Variants in KCTD15 observed in about 807,000 individuals in gnomAD.
KCTD15 encodes potassium channel tetramerization domain containing 15.
Under a neutral mutation model 27.2 loss-of-function variants are expected in KCTD15, and 11 were observed. The ratio of observed to expected loss-of-function variants is 0.41; its 90% confidence interval spans 0.25 to 0.67. The LOEUF is 0.67. KCTD15 is among the 30% of genes least tolerant of loss of function. The pLI, the probability that KCTD15 is intolerant of heterozygous loss-of-function variation, is 0.35. For missense variants in KCTD15, 350 were observed against 409.3 expected, an observed-to-expected ratio of 0.86 and a Z score of 1.25; for synonymous variants, 163 against 176.0, an observed-to-expected ratio of 0.93 and a Z score of 0.58.
At chr19:33,804,941 T>G (rs1975667383) in intron 4 of KCTD15, among the ~76,000 whole-genome samples, 2 of 152,184 alleles carry the variant, frequency 1.3e-5, no homozygotes. Context: ...TCTTTCTTTC[T>G]TTTAAGCGAC....
intron 1 of KCTD15, chr19:33,797,428 G>T: frequency 2.2e-6 from 1 of 454,136 alleles, no homozygotes; most frequent in South Asian, 1.6e-5. Context: ...CCGGCTTGGC[G>T]CCCAAAATCA....
chr19:33,808,980 T>A (rs1298055011), intron 5 of KCTD15, among the ~76,000 whole-genome samples: 2 of 151,522 alleles, frequency 1.3e-5, no homozygotes, highest in Non-Finnish European at 2.9e-5. Flanking sequence ...ACAAATTTGT[T>A]TTTTAATTAA....
intron 1 of KCTD15, chr19:33,797,279 TGTGTGCGCGCGCGC>T (rs1278843649): frequency 2.8e-4 from 69 of 247,356 alleles, no homozygotes; most frequent in African/African-American, 1.4e-3. Context: ...TGTGTGTGTG[TGTGTGCGCGCGCGC>T]GCGCGCGCGC....
At chr19:33,801,408 TA>T in intron 4 of KCTD15, 66 bp downstream of exon 4, 1 of 1,405,606 alleles carries the variant, frequency 7.1e-7, no homozygotes, top group East Asian at 2.5e-5. Flanking sequence ...ATCTGCTGCC[TA>T]GGGGGTGGGG....
rs1976066934 is a variant in KCTD15, at chr19:33,815,557, C to G, written c.*2609C>G. On this transcript the variant is annotated 3_prime_UTR_variant, in exon 7 of 7. Transcript: ENST00000683859. ...TGGACAGAACCATGCCAAAGCTTCC[C>G]CGTTTCCCACCAAACCCCTGCCAGT... The G allele has an allele frequency of 6.6e-6, 1 of 152,104 alleles. No homozygotes were observed. Among genetic ancestry groups the G allele is most frequent in the Admixed American group, 6.6e-5 (1 of 15,256 alleles). The allele number at this position is 152,104 out of a possible 1,614,324, so 9.4% of individuals were successfully genotyped here.
chr19:33,801,431 T>C (rs2145442309), intron 4 of KCTD15, 89 bp downstream of exon 4: 2 of 1,158,284 alleles, frequency 1.7e-6, no homozygotes, highest in East Asian at 2.7e-5. Context: ...CTCTCCCCAC[T>C]GTCACTCCAC....
In KCTD15 at chr19:33,813,527, C is replaced by G; in HGVS notation, c.*579C>G. On this transcript the variant is annotated 3_prime_UTR_variant, in exon 7 of 7. Coordinates refer to ENST00000683859, the MANE Select transcript of KCTD15 (RefSeq NM_001129994.2). ...CAGATGCCTGCAGGGCTGGGGCTCTCGGGACAGATGCAGGGATGTGTGCTG... is the reference window on the plus strand; with the variant it reads ...CAGATGCCTGCAGGGCTGGGGCTCTGGGGACAGATGCAGGGATGTGTGCTG... 1 of 401,884 alleles carries G rather than the reference C, an allele frequency of 2.5e-6. No individual in the cohort carries two copies. The highest frequency in any genetic ancestry group is 4.9e-6 in the Non-Finnish European group (1 of 202,520). The allele number at this position is 401,884 out of a possible 1,614,324, so 24.9% of individuals were successfully genotyped here.
chr19:33,800,714 C>T (rs1340574488), intron 3 of KCTD15, among the ~76,000 whole-genome samples, 194 bp downstream of exon 3: 6 of 152,196 alleles, frequency 3.9e-5, no homozygotes, highest in Non-Finnish European at 5.9e-5. Flanking sequence ...TAAAACTCAA[C>T]GCCTTAGGTG....
At chr19:33,795,097 G>A (rs748117003), upstream of KCTD15, among the ~76,000 whole-genome samples, 1 of 152,216 alleles carries the variant, frequency 6.6e-6, no homozygotes, top group African/African-American at 2.4e-5. Context: ...GAAATTAACT[G>A]ATGGGGCCTG....
chr19:33,795,365 G>GC (rs576272198), upstream of KCTD15, among the ~76,000 whole-genome samples: 184 of 151,844 alleles, frequency 1.2e-3, no homozygotes, highest in Middle Eastern at 3.4e-3. Context: ...GAGGGAGAAA[G>GC]CCCCCCCCAC....
chr19:33,811,421 G>C lies in KCTD15; in HGVS notation c.562G>C (p.Ala188Pro). ...GCGGATCGCACTCAGCGGCGAGAAG[G>C]CCCTCATCGAGGAGGTCTTCCCCGA... ...GERIALSGEK[A>P]LIEEVFPETG... is the part of the protein sequence containing the mutation. The change falls in exon 6 of 7, where the codon GCC becomes CCC. Residue 188 changes from alanine to proline, a missense_variant. Around this residue, in one of 3 missense-constraint regions of KCTD15, gnomAD observed 219 missense variants for 234.9 expected, o/e 0.93. Coordinates refer to ENST00000683859, the MANE Select transcript of KCTD15 (RefSeq NM_001129994.2). 6.2e-7 allele frequency: 1 copy of C among 1,611,616 alleles called. No individual in the cohort carries two copies. Among genetic ancestry groups the C allele is most frequent in the Non-Finnish European group, 8.5e-7 (1 of 1,179,290 alleles).
intron 1 of KCTD15, chr19:33,798,223 G>A (rs1240739544): frequency 6.6e-6 from 1 of 152,224 alleles, no homozygotes; most frequent in Admixed American, 6.5e-5. Flanking sequence ...AGGGGAGCTC[G>A]AGAGGCGCCT....
chr19:33,806,746 T>G, intron 4 of KCTD15, 117 bp from the exon 5 acceptor site: 1 of 1,165,104 alleles, frequency 8.6e-7, no homozygotes, highest in East Asian at 2.3e-5. Flanking sequence ...GAGTCACCCA[T>G]GTCAGGTCCC....
chr19:33,801,604 A>G (rs1975549601), intron 4 of KCTD15: 1 of 377,652 alleles, frequency 2.6e-6, no homozygotes, highest in Non-Finnish European at 4.7e-6. Context: ...GCAGGGGACT[A>G]GGGCTTATTC....
In KCTD15 at chr19:33,813,371, A is replaced by G. The variant is rs1172226681; in HGVS notation, c.*423A>G. 2.1e-6 allele frequency: 1 copy of G among 467,702 alleles called. No homozygotes were observed. Among genetic ancestry groups the G allele is most frequent in the East Asian group, 6.7e-5 (1 of 14,922 alleles). The allele number at this position is 467,702 out of a possible 1,614,324, so 29.0% of individuals were successfully genotyped here. On this transcript the variant is annotated 3_prime_UTR_variant, in exon 7 of 7. Coordinates refer to ENST00000683859, the MANE Select transcript of KCTD15 (RefSeq NM_001129994.2). ...AGATGGCTTATTTTCTACAGTATTTAAAATGGATGCAGCCCTAACTGCAAA... is the reference window on the plus strand; with the variant it reads ...AGATGGCTTATTTTCTACAGTATTTGAAATGGATGCAGCCCTAACTGCAAA...
At chr19:33,805,332 C>G (rs1247832908) in intron 4 of KCTD15, among the ~76,000 whole-genome samples, 1 of 152,202 alleles carries the variant, frequency 6.6e-6, no homozygotes, top group East Asian at 1.9e-4. Flanking sequence ...GCTGGGCCAT[C>G]AGAGCATAGG....
chr19:33,806,758 C>A, intron 4 of KCTD15, 105 bp from the exon 5 acceptor site: 1 of 1,329,182 alleles, frequency 7.5e-7, no homozygotes, highest in Non-Finnish European at 1.0e-6. Flanking sequence ...TCAGGTCCCT[C>A]GCCCCTCCAG....
intron 1 of KCTD15, chr19:33,798,419 A>G (rs369032048): frequency 6.6e-6 from 1 of 152,010 alleles, no homozygotes. Context: ...CATTCTGCTC[A>G]CTTCTCTCTG....
At chr19:33,808,319 C>T (rs539516042) in intron 5 of KCTD15, among the ~76,000 whole-genome samples, 14 of 152,344 alleles carry the variant, frequency 9.2e-5, no homozygotes, top group African/African-American at 3.4e-4. Flanking sequence ...CACACTAGGA[C>T]CTGCCCCACA....
Sources: allele counts gnomAD v4.1 joint callset (sites outside exome capture counted in the v4.1 genomes callset), GRCh38; gene constraint gnomAD v4.1.1; regional missense constraint gnomAD v4.1.1; transcripts MANE v1.5; gene names NCBI Gene and HGNC (gene_info 2026-07-23, HGNC 2026-07-21).